The following MMP26 variants were observed in gnomAD, a reference collection of about 807,000 sequenced individuals.
MMP26 encodes matrix metalloproteinase-26.
MMP26 carries 33 observed loss-of-function variants against 31.0 expected under a neutral mutation model. The observed-to-expected ratio is 1.06, with a 90% CI of 0.81 to 1.42. MMP26 has a LOEUF of 1.42. Among genes scored for constraint, MMP26 ranks in the 40% most tolerant of loss-of-function variants. The pLI, the probability that MMP26 is intolerant of heterozygous loss-of-function variation, is 0.00. For missense variants in MMP26, 347 were observed against 316.1 expected, an observed-to-expected ratio of 1.10 and a Z score of -0.74; for synonymous variants, 122 against 114.9, an observed-to-expected ratio of 1.06 and a Z score of -0.40.
intron 2 of MMP26, among the ~76,000 whole-genome samples, chr11:4,960,080 A>C (rs1589951337): frequency 8.0e-6 from 1 of 124,778 alleles, no homozygotes; most frequent in East Asian, 2.4e-4. Context: ...TCTGTCTCCA[A>C]GTTGGCTATT....
intron 1 of MMP26, among the ~76,000 whole-genome samples, chr11:4,739,148 T>A (rs1181431217): frequency 6.6e-6 from 1 of 152,234 alleles, no homozygotes; most frequent in Non-Finnish European, 1.5e-5. Flanking sequence ...CACAGAGGCC[T>A]GATATAAGAC....
In MMP26 at chr11:4,934,353, T is replaced by C. The variant is rs1464067255; in HGVS notation, c.-144-53715T>C. Among the ~76,000 whole-genome samples, 2 of 133,214 alleles carry C rather than the reference T, an allele frequency of 1.5e-5. 1 individual carries two copies. The highest frequency in any genetic ancestry group is 6.1e-5 in the African/African-American group (2 of 32,716). 87.4% of individuals were successfully genotyped at this position (133,214 alleles called of 152,430 possible). ...TGATGAGCATTTTTTCATGTGTTTT[T>C]TGGCTGCATAAATGTCTTCTTTTGA... On this transcript the variant is annotated intron_variant, in intron 2 of 7. Coordinates refer to ENST00000380390, the MANE Select transcript of MMP26 (RefSeq NM_021801.5).
chr11:4,709,958 C>G (rs745353244), intron 1 of MMP26: 3 of 456,894 alleles, frequency 6.6e-6, no homozygotes, highest in Non-Finnish European at 1.3e-5. Flanking sequence ...CCGTCTGTAA[C>G]CCACTGAGAT....
chr11:4,854,859 C>T (rs567522751), intron 2 of MMP26, among the ~76,000 whole-genome samples: 33 of 152,244 alleles, frequency 2.2e-4, no homozygotes, highest in East Asian at 7.8e-4. Context: ...CCCTCTGAGA[C>T]GAAGCTTCCA....
At chr11:4,732,580 C>T (rs964212046) in intron 1 of MMP26, among the ~76,000 whole-genome samples, 1 of 151,342 alleles carries the variant, frequency 6.6e-6, no homozygotes, top group African/African-American at 2.4e-5. Context: ...TCATGAACCC[C>T]AAGAGAAGCA....
chr11:4,706,577 CAAAAA>C (rs71050423), intron 1 of MMP26, among the ~76,000 whole-genome samples: 347 of 87,560 alleles, frequency 4.0e-3, no homozygotes, highest in Middle Eastern at 0.011. Context: ...GACCCTATCT[CAAAAA>C]AAAAAAAAAA....
chr11:4,804,426 C>T, intron 2 of MMP26: 1 of 1,376,814 alleles, frequency 7.3e-7, no homozygotes, highest in Non-Finnish European at 1.0e-6. Flanking sequence ...CTACTCTCTG[C>T]AGATGATAAC....
intron 2 of MMP26, chr11:4,924,472 G>A (rs1027239940): frequency 1.1e-6 from 1 of 878,148 alleles, no homozygotes; most frequent in South Asian, 1.7e-5. Context: ...GCATAGGGGA[G>A]AACTGGGTGG....
At chr11:4,763,351 A>G (rs1848591435) in intron 1 of MMP26, among the ~76,000 whole-genome samples, 1 of 152,240 alleles carries the variant, frequency 6.6e-6, no homozygotes, top group African/African-American at 2.4e-5. Context: ...TTGATCAAAT[A>G]GAAATTAAAA....
chr11:4,706,420 G>A (rs1445522693), intron 1 of MMP26, among the ~76,000 whole-genome samples: 1 of 151,460 alleles, frequency 6.6e-6, no homozygotes, highest in Non-Finnish European at 1.5e-5. Context: ...AAATTATCCA[G>A]GCATGATGGT....
At chr11:4,709,967 A>G (rs1168161354) in intron 1 of MMP26, 1 of 456,886 alleles carries the variant, frequency 2.2e-6, no homozygotes, top group South Asian at 1.5e-5. Flanking sequence ...ACCCACTGAG[A>G]TATGCCACAA....
chr11:4,955,621 G>A, intron 2 of MMP26: 1 of 1,489,090 alleles, frequency 6.7e-7, no homozygotes, highest in Non-Finnish European at 9.3e-7. Context: ...TGCAGATGGG[G>A]ATAGAGATCC....
intron 2 of MMP26, among the ~76,000 whole-genome samples, chr11:4,935,133 G>A (rs1191006925): frequency 6.6e-6 from 1 of 151,712 alleles, no homozygotes; most frequent in Non-Finnish European, 1.5e-5. Flanking sequence ...GTAGCTTGAT[G>A]GGGATGGCAT....
chr11:4,944,090 A>G (rs1846257873), intron 2 of MMP26: 1 of 453,802 alleles, frequency 2.2e-6, no homozygotes, highest in South Asian at 1.6e-5. Flanking sequence ...ACAACCCCAA[A>G]CCCATATCTG....
intron 2 of MMP26, among the ~76,000 whole-genome samples, chr11:4,814,656 G>GT (rs1027348750): frequency 1.3e-5 from 2 of 152,096 alleles, no homozygotes; most frequent in Admixed American, 1.3e-4. Flanking sequence ...GCTCTAAGTA[G>GT]TTTTTTTCTG....
chr11:4,941,185 A>G (rs1248925933), intron 2 of MMP26, among the ~76,000 whole-genome samples: 1 of 152,196 alleles, frequency 6.6e-6, no homozygotes, highest in Admixed American at 6.6e-5. Flanking sequence ...AGAATCAGTC[A>G]TGATATTTTA....
In MMP26 at chr11:4,963,499, A is replaced by G. The variant is rs111512350; in HGVS notation, c.-144-24569A>G. Among the ~76,000 whole-genome samples the G allele has an allele frequency of 2.2e-3, 332 of 152,356 alleles. 2 individuals are homozygous for G. Among genetic ancestry groups the G allele is most frequent in the African/African-American group, 7.3e-3 (305 of 41,594 alleles). ...ACTTCAAACTATACTACAAGGCTAC[A>G]GTAACCAAAACAGCATGGTACTGTA... On this transcript the variant is annotated intron_variant, in intron 2 of 7. Coordinates refer to ENST00000380390, the MANE Select transcript of MMP26 (RefSeq NM_021801.5).
At position 4,931,913 on chromosome 11, in the gene MMP26, T is replaced by C. The variant is rs545204688; in HGVS notation, c.-144-56155T>C. Among the ~76,000 whole-genome samples, 9 of 152,120 alleles carry C rather than the reference T, an allele frequency of 5.9e-5. No homozygotes were observed. The South Asian group carries it at 1.2e-3, about 21-fold the overall frequency. On this transcript the variant is annotated intron_variant, in intron 2 of 7. Coordinates refer to ENST00000380390, the MANE Select transcript of MMP26 (RefSeq NM_021801.5). The stretch of plus-strand genomic sequence containing the variant: ...GGAGGAAGCATGAGGATAGGGAGTA[T>C]AGTAGGGAGACTAAAGAAGCTAGCA...
rs756227147 is a variant in MMP26, at chr11:4,939,169, T to C, written c.-144-48899T>C. ...TGTCTATCTTCTCCCTTAACTATTA[T>C]ATAAGGGGAGAGAATCATGTTTACA... On this transcript the variant is annotated intron_variant, in intron 2 of 7. Transcript: ENST00000380390. Among the ~76,000 whole-genome samples the C allele has an allele frequency of 4.2e-4, 64 of 152,172 alleles. 1 individual carries two copies. Among genetic ancestry groups the C allele is most frequent in the Admixed American group, 6.5e-4 (10 of 15,276 alleles).
Sources: gnomAD v4.1 joint callset for allele counts (sites outside exome capture counted in the v4.1 genomes callset) on GRCh38, gnomAD v4.1.1 for gene constraint, MANE v1.5 for transcripts, NCBI Gene and HGNC (gene_info 2026-07-23, HGNC 2026-07-21) for gene names.